Variants in MTMR9 observed in about 807,000 individuals in gnomAD.
MTMR9 encodes the protein myotubularin related protein 9.
MTMR9 carries 39 observed loss-of-function variants against 69.5 expected under a neutral mutation model. The observed-to-expected ratio is 0.56, with a 90% confidence interval of 0.43 to 0.73. The LOEUF is 0.73. Among genes scored for constraint, MTMR9 ranks in the 30% least tolerant of loss-of-function variants. The pLI is 0.00. For synonymous variants in MTMR9, 354 were observed against 240.8 expected (o/e 1.47, Z -4.35); for missense variants, 900 against 671.2 (o/e 1.34, Z -3.77).
At chr8:11,312,028 C>T (rs1352176724) in intron 6 of MTMR9, among the ~76,000 whole-genome samples, 1 of 152,028 alleles carries the variant, frequency 6.6e-6, no homozygotes, top group African/African-American at 2.4e-5. Context: ...GCAATTCAGT[C>T]AAATCTTCAG....
intron 1 of MTMR9, among the ~76,000 whole-genome samples, chr8:11,294,360 A>G (rs981061209): frequency 6.6e-6 from 1 of 152,046 alleles, no homozygotes; most frequent in African/African-American, 2.4e-5. Flanking sequence ...TATTAGATTT[A>G]GGGGTTTTTT....
chr8:11,291,324 A>G (rs1483011021), intron 1 of MTMR9, among the ~76,000 whole-genome samples: 1 of 152,114 alleles, frequency 6.6e-6, no homozygotes, highest in African/African-American at 2.4e-5. Flanking sequence ...AGGATATAGA[A>G]ATTAATCAAA....
intron 2 of MTMR9, among the ~76,000 whole-genome samples, chr8:11,295,669 G>C (rs1222558696): frequency 6.6e-6 from 1 of 152,194 alleles, no homozygotes; most frequent in East Asian, 1.9e-4. Context: ...GAGGTTCTTG[G>C]GAGAAATTTT....
At chr8:11,297,118 G>A (rs767795138) in intron 2 of MTMR9, among the ~76,000 whole-genome samples, 18 of 152,028 alleles carry the variant, frequency 1.2e-4, no homozygotes, top group African/African-American at 3.6e-4. Flanking sequence ...TTTTCTTTCC[G>A]TGTATGTGTA....
downstream of MTMR9, among the ~76,000 whole-genome samples, chr8:11,332,687 C>T (rs555784710): frequency 1.1e-4 from 17 of 152,076 alleles, no homozygotes; most frequent in South Asian, 1.2e-3. Flanking sequence ...CTGTAACATC[C>T]GCCTTCTGGG....
intron 6 of MTMR9, among the ~76,000 whole-genome samples, chr8:11,313,552 A>T (rs988040578): frequency 6.6e-6 from 1 of 152,222 alleles, no homozygotes; most frequent in African/African-American, 2.4e-5. Context: ...ATCTAAAATG[A>T]GACATGCTAC....
chr8:11,333,158 T>G, the MTMR9 span, among the ~76,000 whole-genome samples: 2 of 152,170 alleles, frequency 1.3e-5, no homozygotes, highest in Non-Finnish European at 2.9e-5. Context: ...AAGAAGCCTC[T>G]ACAACAACCT....
At chr8:11,328,588 G>A (rs532151275), downstream of MTMR9, among the ~76,000 whole-genome samples, 166 of 152,230 alleles carry the variant, frequency 1.1e-3, no homozygotes, top group African/African-American at 3.8e-3. Context: ...GAAAGAAAAT[G>A]GAATTAAAAA....
the MTMR9 span, among the ~76,000 whole-genome samples, chr8:11,333,190 G>T: frequency 6.6e-6 from 1 of 152,090 alleles, no homozygotes; most frequent in Non-Finnish European, 1.5e-5. Context: ...AACTCAAAGA[G>T]ATTCATACCA....
intron 1 of MTMR9, among the ~76,000 whole-genome samples, chr8:11,288,732 A>T (rs556342131): frequency 6.6e-6 from 1 of 152,310 alleles, no homozygotes; most frequent in Admixed American, 6.5e-5. Context: ...AATGGTTTTC[A>T]TGGGAGCCCT....
intron 3 of MTMR9, 188 bp downstream of exon 3, chr8:11,300,336 A>C (rs1799706939): frequency 2.0e-6 from 1 of 494,236 alleles, no homozygotes; most frequent in South Asian, 2.6e-5. Flanking sequence ...TTAGATTAAT[A>C]ATCAGTAATA....
chr8:11,295,068 T>A (rs1563267582), intron 1 of MTMR9, 126 bp from the exon 2 acceptor site: 2 of 547,534 alleles, frequency 3.7e-6, no homozygotes, highest in Admixed American at 6.6e-5. Flanking sequence ...TCTTCCTTAA[T>A]TAGACTGAGG....
At chr8:11,288,166 ATTAT>A (rs1409090167) in intron 1 of MTMR9, among the ~76,000 whole-genome samples, 40 of 135,202 alleles carry the variant, frequency 3.0e-4, no homozygotes, top group East Asian at 2.0e-3. Flanking sequence ...TAGGTGAATA[ATTAT>A]TTATTCACCT....
At position 11,322,780 on chromosome 8, in the gene MTMR9, A is replaced by G; in HGVS notation, c.1642A>G (p.Ser548Gly). 1 of 1,613,650 alleles carries G rather than the reference A, an allele frequency of 6.2e-7. No individual in the cohort carries two copies. Among genetic ancestry groups the G allele is most frequent in the Non-Finnish European group, 8.5e-7 (1 of 1,179,788 alleles). ...GGAAACAGAGGACGGGATGCAGGAG[A>G]GTCCCTGAAAGGTCTCCTCGCACCC... ...ELETEDGMQE[S>G]P The change falls in exon 10 of 10, where the codon AGT (serine) becomes GGT (glycine). Residue 548 changes from serine to glycine, a missense_variant. Transcript: ENST00000221086.
intron 1 of MTMR9, 120 bp downstream of exon 1, chr8:11,285,190 C>G (rs1482734500): frequency 2.0e-6 from 2 of 985,624 alleles, no homozygotes; most frequent in Non-Finnish European, 2.9e-6. Context: ...AAGATGAGCC[C>G]TCTGTGGCCT....
At chr8:11,331,496 T>G, downstream of MTMR9, 1 of 1,613,936 alleles carries the variant, frequency 6.2e-7, no homozygotes, top group East Asian at 2.2e-5. Context: ...CTGGCAACGC[T>G]GCCACTGTTC....
downstream of MTMR9, among the ~76,000 whole-genome samples, chr8:11,329,868 G>A (rs1215985482): frequency 6.6e-6 from 1 of 151,964 alleles, no homozygotes; most frequent in Non-Finnish European, 1.5e-5. Context: ...TAGGAAGTGA[G>A]GAGCGTCTCT....
At chr8:11,338,439 G>A in the MTMR9 span, among the ~76,000 whole-genome samples, 2 of 152,162 alleles carry the variant, frequency 1.3e-5, no homozygotes, top group South Asian at 2.1e-4. Flanking sequence ...CTATTGAACC[G>A]GGCTCCATAG....
chr8:11,307,228 C>A (rs948631828), intron 5 of MTMR9, among the ~76,000 whole-genome samples: 1 of 152,052 alleles, frequency 6.6e-6, no homozygotes, highest in Non-Finnish European at 1.5e-5. Context: ...CCTGCTACCA[C>A]GCCTGGCTAA....
Sources: gnomAD v4.1 joint callset for allele counts (sites outside exome capture counted in the v4.1 genomes callset) on GRCh38, gnomAD v4.1.1 for gene constraint, MANE v1.5 for transcripts, NCBI Gene and HGNC (gene_info 2026-07-23, HGNC 2026-07-21) for gene names.